Variants in NXPH2 observed in about 807,000 individuals in gnomAD.
NXPH2 encodes the protein neurexophilin 2.
In NXPH2, 5 loss-of-function variants were observed where a neutral mutation model predicts 19.8. The ratio of observed to expected loss-of-function variants is 0.25; its 90% confidence interval spans 0.13 to 0.53. The LOEUF (loss-of-function observed/expected upper bound fraction) is 0.53. NXPH2 is among the 20% of genes least tolerant of loss of function. NXPH2 has a pLI of 0.96. For missense variants in NXPH2, 289 were observed against 322.8 expected, an observed-to-expected ratio of 0.90 and a Z score of 0.80; for synonymous variants, 154 against 127.4, an observed-to-expected ratio of 1.21 and a Z score of -1.41.
At position 138,713,599 on chromosome 2, in the gene NXPH2, G is replaced by C. The variant is rs4510159; in HGVS notation, c.52-41934C>G. 4.8e-3 allele frequency among the ~76,000 whole-genome samples: 502 copies of C among 105,676 alleles called. 3 individuals are homozygous for C. The South Asian group carries it at 0.063, about 13-fold the overall frequency. 69.3% of individuals were successfully genotyped at this position (105,676 alleles called of 152,430 possible). A position where few individuals can be genotyped will look rare whatever the true frequency, so the allele number is the denominator to read the frequency against. Reference sequence around the variant, plus strand: ...TAAAGTCAACTGTAGAAAACGTTCTGTGTGTGTGTGTGTGTGTGTGTGTTT... The same window carrying C: ...TAAAGTCAACTGTAGAAAACGTTCTCTGTGTGTGTGTGTGTGTGTGTGTTT... On this transcript the variant is annotated intron_variant, in intron 1 of 1. Coordinates refer to ENST00000272641, the MANE Select transcript of NXPH2 (RefSeq NM_007226.3).
intron 1 of NXPH2, among the ~76,000 whole-genome samples, chr2:138,680,121 A>T (rs750897559): frequency 6.6e-6 from 1 of 152,176 alleles, no homozygotes; most frequent in Admixed American, 6.5e-5. Flanking sequence ...GCTTTGATTT[A>T]TTAGAAGGAT....
chr2:138,678,178 C>A (rs1042076996), intron 1 of NXPH2, among the ~76,000 whole-genome samples: 1 of 152,172 alleles, frequency 6.6e-6, no homozygotes, highest in Non-Finnish European at 1.5e-5. Flanking sequence ...AAGTACCTGG[C>A]AGATATTTTG....
chr2:138,702,614 T>C (rs1479281368), intron 1 of NXPH2, among the ~76,000 whole-genome samples: 1 of 101,952 alleles, frequency 9.8e-6, no homozygotes. Context: ...GCTGCATAAA[T>C]TAACTTGAAG....
chr2:138,762,238 G>T (rs968468020), intron 1 of NXPH2, among the ~76,000 whole-genome samples: 1 of 152,126 alleles, frequency 6.6e-6, no homozygotes, highest in African/African-American at 2.4e-5. Flanking sequence ...ATCCACATTT[G>T]TTCTTTCTCC....
intron 1 of NXPH2, among the ~76,000 whole-genome samples, chr2:138,738,367 A>T (rs1363489034): frequency 6.6e-6 from 1 of 152,170 alleles, no homozygotes; most frequent in Admixed American, 6.6e-5. Context: ...CACTTGGTGG[A>T]CTCATTCCCC....
At chr2:138,749,715 TATA>T (rs1420247559) in intron 1 of NXPH2, among the ~76,000 whole-genome samples, 2 of 152,174 alleles carry the variant, frequency 1.3e-5, no homozygotes, top group Admixed American at 6.5e-5. Context: ...GAATACAATT[TATA>T]ATGTCAGAAT....
chr2:138,780,294 C>A lies in NXPH2; in HGVS notation c.-53G>T. On this transcript the variant is annotated 5_prime_UTR_variant, in exon 1 of 2. Coordinates refer to ENST00000272641, the MANE Select transcript of NXPH2 (RefSeq NM_007226.3). ...GCTGCGCGCCCTCGCCTGCCTCTCGCGCATCTCCACTTCGCGGGGCAGGAC... is the reference window on the plus strand; with the variant it reads ...GCTGCGCGCCCTCGCCTGCCTCTCGAGCATCTCCACTTCGCGGGGCAGGAC... 2 of 1,374,710 alleles carry A rather than the reference C, an allele frequency of 1.5e-6. No homozygotes were observed. Among genetic ancestry groups the A allele is most frequent in the South Asian group, 1.6e-5 (1 of 62,566 alleles). 85.2% of individuals were successfully genotyped at this position (1,374,710 alleles called of 1,614,324 possible). A position where few individuals can be genotyped will look rare whatever the true frequency, so the allele number is the denominator to read the frequency against.
chr2:138,750,512 C>T (rs1681813755), intron 1 of NXPH2, among the ~76,000 whole-genome samples: 2 of 152,046 alleles, frequency 1.3e-5, no homozygotes, highest in South Asian at 2.1e-4. Context: ...AGAAGTAGAG[C>T]TGTAAATGTG....
intron 1 of NXPH2, among the ~76,000 whole-genome samples, chr2:138,770,709 T>TA (rs1327090416): frequency 2.4e-4 from 36 of 151,982 alleles, no homozygotes; most frequent in African/African-American, 8.2e-4. Flanking sequence ...ATGTCAGCCA[T>TA]AAAAAAGATA....
At chr2:138,726,553 CACACA>C (rs1558923092) in intron 1 of NXPH2, among the ~76,000 whole-genome samples, 51 of 151,666 alleles carry the variant, frequency 3.4e-4, no homozygotes, top group Admixed American at 1.5e-3. Flanking sequence ...CACACACACA[CACACA>C]CCCTCCAACA....
At chr2:138,747,721 G>T (rs1480547393) in intron 1 of NXPH2, among the ~76,000 whole-genome samples, 1 of 152,144 alleles carries the variant, frequency 6.6e-6, no homozygotes, top group Non-Finnish European at 1.5e-5. Context: ...TGTTACATAG[G>T]CCTGAGAAGG....
At chr2:138,688,896 C>A (rs1414637328) in intron 1 of NXPH2, among the ~76,000 whole-genome samples, 1 of 152,204 alleles carries the variant, frequency 6.6e-6, no homozygotes, top group African/African-American at 2.4e-5. Flanking sequence ...TGTGTCCTTT[C>A]ACTAGGCTGA....
chr2:138,715,161 C>T (rs527749408), intron 1 of NXPH2, among the ~76,000 whole-genome samples: 2 of 152,176 alleles, frequency 1.3e-5, no homozygotes, highest in African/African-American at 4.8e-5. Flanking sequence ...ACTTGAATCC[C>T]TGGATATTTA....
At position 138,671,642 on chromosome 2, in the gene NXPH2, C is replaced by T. The variant is rs769559972; in HGVS notation, c.75G>A (p.Val25=). The part of the protein sequence containing the change: ...LQLLFCDSKE[V]VHATEGLDWE... The stretch of plus-strand genomic sequence containing the variant: ...AATCCAGCCCCTCCGTGGCATGCAC[C>T]ACTTCCTTACTGTCACAAAATAGCT... Residue 25 remains valine, a synonymous_variant, in exon 2 of 2, where the codon GTG becomes GTA. Coordinates refer to ENST00000272641, the MANE Select transcript of NXPH2 (RefSeq NM_007226.3). 4 of 1,571,556 alleles carry T rather than the reference C, an allele frequency of 2.5e-6. No homozygotes were observed. Among genetic ancestry groups the T allele is most frequent in the Non-Finnish European group, 3.4e-6 (4 of 1,160,902 alleles).
At chr2:138,716,364 T>C (rs1180338570) in intron 1 of NXPH2, among the ~76,000 whole-genome samples, 1 of 152,112 alleles carries the variant, frequency 6.6e-6, no homozygotes, top group East Asian at 1.9e-4. Flanking sequence ...AAACTAGTGC[T>C]CTTATAAAAA....
chr2:138,716,296 G>C (rs536357979), intron 1 of NXPH2, among the ~76,000 whole-genome samples: 2 of 152,160 alleles, frequency 1.3e-5, no homozygotes, highest in Admixed American at 1.3e-4. Context: ...GTAGGAGACC[G>C]GGCCTCGGGG....
At chr2:138,690,288 T>C (rs1406015126) in intron 1 of NXPH2, among the ~76,000 whole-genome samples, 3 of 152,146 alleles carry the variant, frequency 2.0e-5, no homozygotes, top group African/African-American at 7.2e-5. Context: ...GTACCTCTGT[T>C]CCTCCATTGT....
chr2:138,684,537 T>G (rs1156988057), intron 1 of NXPH2, among the ~76,000 whole-genome samples: 1 of 152,208 alleles, frequency 6.6e-6, no homozygotes, highest in Non-Finnish European at 1.5e-5. Flanking sequence ...AAGAACAATA[T>G]ACAGTATTTA....
chr2:138,757,329 A>G lies in NXPH2; in HGVS notation c.51+22862T>C, dbSNP rs926692505. On this transcript the variant is annotated intron_variant, in intron 1 of 1. Transcript: ENST00000272641. ...ATGTAGAAGGCGTAAGGAAGAAGACACACATGTGCTGCTGCCGATCTGCTG... is the reference window on the plus strand; with the variant it reads ...ATGTAGAAGGCGTAAGGAAGAAGACGCACATGTGCTGCTGCCGATCTGCTG... Among the ~76,000 whole-genome samples the G allele has an allele frequency of 2.6e-5, 4 of 152,176 alleles. No homozygotes were observed. In the East Asian group the frequency reaches 7.7e-4, roughly 29 times the overall value.
Sources: allele counts gnomAD v4.1 joint callset (sites outside exome capture counted in the v4.1 genomes callset), GRCh38; gene constraint gnomAD v4.1.1; transcripts MANE v1.5; gene names NCBI Gene and HGNC (gene_info 2026-07-23, HGNC 2026-07-21).